Variants in KLHL2 observed in about 807,000 individuals in gnomAD.
The protein encoded by KLHL2 is kelch-like protein 2.
A neutral mutation model predicts 75.8 loss-of-function variants in KLHL2; 15 were observed. The observed-to-expected ratio is 0.20, with a 90% CI of 0.13 to 0.30. The LOEUF (loss-of-function observed/expected upper bound fraction) is 0.30. Ranked by LOEUF, KLHL2 falls within the 10% of genes least tolerant of loss-of-function variation. The pLI, the probability that KLHL2 is intolerant of heterozygous loss-of-function variation, is 1.00. For missense variants in KLHL2, 381 were observed against 741.0 expected, an observed-to-expected ratio of 0.51 and a Z score of 5.64; for synonymous variants, 214 against 251.9, an observed-to-expected ratio of 0.85 and a Z score of 1.42.
Position 165,278,140 on chromosome 4 carries a change from T to C in KLHL2, c.544+14781T>C, listed in dbSNP as rs1166362047. 2.2e-5 allele frequency: 33 copies of C among 1,529,316 alleles called. No homozygotes were observed. In the Admixed American group the frequency reaches 3.5e-4, roughly 16 times the overall value. 94.7% of individuals were successfully genotyped at this position (1,529,316 alleles called of 1,614,324 possible). On this transcript the variant is annotated intron_variant, in intron 5 of 14. Transcript: ENST00000226725. ...TTGACTTCATCACAGCTTTCTTCCA[T>C]GTAGAATAACGAATTTCACTTTCCT...
At chr4:165,234,807 A>G (rs924840826) in intron 3 of KLHL2, among the ~76,000 whole-genome samples, 5 of 151,772 alleles carry the variant, frequency 3.3e-5, no homozygotes, top group African/African-American at 1.2e-4. Flanking sequence ...TTACACTTTC[A>G]TGATTTGGAG....
intron 1 of KLHL2, among the ~76,000 whole-genome samples, chr4:165,218,329 C>T (rs1362202901): frequency 1.3e-5 from 2 of 152,120 alleles, no homozygotes; most frequent in Non-Finnish European, 2.9e-5. Context: ...CCTGCTCAGC[C>T]CCAGCCTTTT....
intron 5 of KLHL2, chr4:165,279,680 G>T (rs750386913): frequency 4.1e-5 from 65 of 1,570,870 alleles, no homozygotes; most frequent in Non-Finnish European, 1.8e-6. Context: ...GTTTGCGGCC[G>T]GTTTCCTGGG....
In KLHL2 at chr4:165,207,861, C is replaced by G. The variant is rs1446749989; in HGVS notation, c.-16C>G. The G allele has an allele frequency of 6.9e-7, 1 of 1,451,034 alleles. No individual in the cohort carries two copies. The highest frequency in any genetic ancestry group is 9.1e-7 in the Non-Finnish European group (1 of 1,095,542). 89.9% of individuals were successfully genotyped at this position (1,451,034 alleles called of 1,614,324 possible). ...GTTGGTCGGTGCCTGCGTTCTGAAG[C>G]CCGAGAGGAGCCACAATGGAGACGC... On this transcript the variant is annotated 5_prime_UTR_variant, in exon 1 of 15. Transcript: ENST00000226725. This position sits in a 1 kb window ranked among gnomAD's most constrained non-coding sequence, Gnocchi z 4.2.
intron 5 of KLHL2, among the ~76,000 whole-genome samples, chr4:165,275,468 G>A (rs531959400): frequency 1.1e-3 from 167 of 152,272 alleles, no homozygotes; most frequent in Non-Finnish European, 1.7e-3. Flanking sequence ...CTTATTGATA[G>A]CCAAGCACAT....
intron 1 of KLHL2, among the ~76,000 whole-genome samples, chr4:165,218,079 C>G (rs533202488): frequency 1.0e-3 from 156 of 152,270 alleles, no homozygotes; most frequent in African/African-American, 3.6e-3. Context: ...TTCATCACCT[C>G]CACTGCGACT....
chr4:165,227,708 A>G (rs1350087492), intron 2 of KLHL2, among the ~76,000 whole-genome samples: 2 of 152,224 alleles, frequency 1.3e-5, no homozygotes, highest in African/African-American at 2.4e-5. Flanking sequence ...TTGTTCTAGA[A>G]TAAGCATCAG....
At chr4:165,260,502 G>T (rs1741571321) in intron 4 of KLHL2, among the ~76,000 whole-genome samples, 1 of 151,908 alleles carries the variant, frequency 6.6e-6, no homozygotes, top group South Asian at 2.1e-4. Flanking sequence ...TCTGAACTTG[G>T]TAATGATTAA....
At chr4:165,264,312 C>T (rs563303251) in intron 5 of KLHL2, among the ~76,000 whole-genome samples, 16 of 151,380 alleles carry the variant, frequency 1.1e-4, no homozygotes, top group African/African-American at 2.2e-4. Flanking sequence ...TTAATGTACC[C>T]GTCACCTGAG....
chr4:165,316,906 AAAG>A (rs1746627623), intron 13 of KLHL2, among the ~76,000 whole-genome samples: 1 of 152,174 alleles, frequency 6.6e-6, no homozygotes, highest in South Asian at 2.1e-4. Context: ...TGGGGTTAAA[AAAG>A]AAAGTGTCTG....
At chr4:165,321,481 A>G (rs966997086) in intron 14 of KLHL2, 1 of 325,660 alleles carries the variant, frequency 3.1e-6, no homozygotes, top group Non-Finnish European at 6.1e-6. Flanking sequence ...GACATACATA[A>G]CATATATTAC....
At chr4:165,316,230 G>T (rs138482874) in intron 13 of KLHL2, among the ~76,000 whole-genome samples, 1 of 152,258 alleles carries the variant, frequency 6.6e-6, no homozygotes, top group Middle Eastern at 3.4e-3. Flanking sequence ...TAATCTGTGA[G>T]CCCCTCATAG....
chr4:165,310,480 C>A (rs947055453), intron 9 of KLHL2, 73 bp from the exon 10 acceptor site: 1 of 1,268,956 alleles, frequency 7.9e-7, no homozygotes, highest in African/African-American at 1.5e-5. Context: ...ATAGATTTAT[C>A]AGAAAGCAAT....
intron 4 of KLHL2, among the ~76,000 whole-genome samples, chr4:165,259,445 A>T (rs1289865389): frequency 6.6e-6 from 1 of 152,214 alleles, no homozygotes; most frequent in Non-Finnish European, 1.5e-5. Flanking sequence ...CAAGAAGTTT[A>T]TCTGTATGTC....
chr4:165,275,847 A>G (rs1743040628), intron 5 of KLHL2, among the ~76,000 whole-genome samples: 1 of 152,058 alleles, frequency 6.6e-6, no homozygotes, highest in Admixed American at 6.5e-5. Flanking sequence ...AGAGCTGGGC[A>G]TGGTGGCCCA....
intron 6 of KLHL2, among the ~76,000 whole-genome samples, chr4:165,295,507 T>C (rs1744841774): frequency 6.6e-6 from 1 of 152,178 alleles, no homozygotes; most frequent in Non-Finnish European, 1.5e-5. Context: ...ATTAGCAGAA[T>C]AGAATTTGTT....
At chr4:165,263,890 A>G (rs1399794183) in intron 5 of KLHL2, among the ~76,000 whole-genome samples, 1 of 141,384 alleles carries the variant, frequency 7.1e-6, no homozygotes, top group Admixed American at 7.9e-5. Context: ...ATATAGATAC[A>G]TTTGGTGGAG....
intron 5 of KLHL2, among the ~76,000 whole-genome samples, chr4:165,274,806 G>A (rs947911886): frequency 6.6e-6 from 1 of 152,160 alleles, no homozygotes; most frequent in African/African-American, 2.4e-5. Flanking sequence ...ATGAACTCCT[G>A]CTTATTTTTA....
chr4:165,277,912 A>C (rs1433234025), intron 5 of KLHL2: 2 of 867,048 alleles, frequency 2.3e-6, no homozygotes, highest in Non-Finnish European at 4.0e-6. Context: ...CATCGCATTA[A>C]GAGACAATTG....
Sources: gnomAD v4.1 joint callset for allele counts (sites outside exome capture counted in the v4.1 genomes callset) on GRCh38, gnomAD v4.1.1 for gene constraint, Gnocchi (gnomAD v3.1) non-coding constraint, MANE v1.5 for transcripts, NCBI Gene and HGNC (gene_info 2026-07-23, HGNC 2026-07-21) for gene names.